DDX11: variants seen among roughly 807,000 people sequenced by gnomAD.
The protein encoded by DDX11 is ATP-dependent DNA helicase DDX11.
In DDX11, 72 loss-of-function variants were observed where a neutral mutation model predicts 125.2. The ratio of observed to expected loss-of-function variants is 0.58; its 90% CI spans 0.48 to 0.70. The LOEUF (loss-of-function observed/expected upper bound fraction) is 0.70, where lower values mean the gene tolerates loss of function less well. Among genes scored for constraint, DDX11 ranks in the 30% least tolerant of loss-of-function variants. DDX11 has a pLI of 0.00. For synonymous variants in DDX11, 347 were observed against 452.6 expected (o/e 0.77, Z 2.96); for missense variants, 883 against 1,165.0 (o/e 0.76, Z 3.52).
chr12:31,093,287 C>A lies in DDX11; in HGVS notation c.1332C>A (p.Ile444=), dbSNP rs762634580. 8 of 1,613,512 alleles carry A rather than the reference C, an allele frequency of 5.0e-6. No individual in the cohort carries two copies. The change falls in exon 12 of 27, where the codon ATC becomes ATA. Residue 444 remains isoleucine (I), a synonymous_variant. Coordinates refer to ENST00000542838, the MANE Select transcript of DDX11 (RefSeq NM_030653.4). ...AGAACCTGATGTACCTGAAGCAGAT[C>A]CTGTATTTGCTGGAGAAATTCGTGG... is the stretch of plus-strand genomic sequence containing the variant. ...KAKNLMYLKQ[I]LYLLEKFVAV...
At chr12:31,078,717 T>C (rs934908321) in intron 2 of DDX11, among the ~76,000 whole-genome samples, 180 bp downstream of exon 2, 13 of 150,558 alleles carry the variant, frequency 8.6e-5, no homozygotes, top group African/African-American at 2.7e-4. Flanking sequence ...AGACGGAGTC[T>C]CGCTGTGTCG....
intron 21 of DDX11, 96 bp downstream of exon 21, chr12:31,102,078 G>C (rs1483099899): frequency 1.3e-6 from 2 of 1,505,176 alleles, no homozygotes; most frequent in African/African-American, 2.8e-5. Context: ...CAGGCTTCTG[G>C]CTCCTCATCC....
intron 20 of DDX11, 176 bp from the exon 21 acceptor site, chr12:31,101,657 G>A: frequency 1.4e-6 from 1 of 722,256 alleles, no homozygotes; most frequent in Non-Finnish European, 2.4e-6. Context: ...GTGTTTGGTG[G>A]GAGGTGGCAC....
chr12:31,092,788 T>C (rs1944463048), intron 10 of DDX11, 58 bp from the exon 11 acceptor site: 12 of 1,540,162 alleles, frequency 7.8e-6, no homozygotes, highest in African/African-American at 2.7e-5. Context: ...GAATCTAAGA[T>C]GTCAGTACCT....
intron 2 of DDX11, among the ~76,000 whole-genome samples, chr12:31,082,420 G>C (rs4930951): frequency 0.52 from 77,522 of 148,386 alleles, 21,071 homozygotes; most frequent in East Asian, 0.8. Flanking sequence ...GCCAGCCTGA[G>C]CCACAGAGCT....
rs1393893337 is a variant in DDX11, at chr12:31,090,083, C to T, written c.1078C>T (p.Pro360Ser). 6.5e-7 allele frequency: 1 copy of T among 1,549,658 alleles called. No homozygotes were observed. The highest frequency in any genetic ancestry group is 8.7e-7 in the Non-Finnish European group (1 of 1,146,650). Residue 360 changes from proline (P) to serine (S), a missense_variant, in exon 9 of 27, where the codon CCT (proline) becomes TCT (serine). Pro to Ser is a moderately conservative substitution (Grantham distance 74). Transcript: ENST00000542838. ...CPYYGSRLAI[P>S]AAQLVVLPYQ... ...CTATTACGGGAGCCGCCTTGCCATC[C>T]CTGCAGCCCAGGTGAGGGCCCTGCA...
At chr12:31,101,225 A>G (rs1318224325) in intron 20 of DDX11, 95 bp downstream of exon 20, 11 of 1,091,084 alleles carry the variant, frequency 1.0e-5, no homozygotes, top group Middle Eastern at 2.0e-4. Context: ...GAGTGTTTTC[A>G]GTGTTGGGGA....
chr12:31,096,578 A>G, intron 15 of DDX11, 59 bp from the exon 16 acceptor site: 1 of 1,598,700 alleles, frequency 6.3e-7, no homozygotes, highest in Non-Finnish European at 8.5e-7. Context: ...CGATCCACCC[A>G]GCCTCTCTCT....
At chr12:31,101,328 C>A (rs1308835414) in intron 20 of DDX11, 198 bp downstream of exon 20, 12 of 615,916 alleles carry the variant, frequency 1.9e-5, no homozygotes, top group Non-Finnish European at 8.8e-6. Context: ...CCGCCCCTCA[C>A]GCCTTAGGCT....
At chr12:31,100,599 G>C in intron 18 of DDX11, 36 bp from the exon 19 acceptor site, 1 of 1,548,286 alleles carries the variant, frequency 6.5e-7, no homozygotes, top group Non-Finnish European at 8.7e-7. Flanking sequence ...CCTCTGAGGG[G>C]TCATGGGGCC....
chr12:31,088,560 G>A (rs1347149080), intron 6 of DDX11, among the ~76,000 whole-genome samples: 2 of 150,422 alleles, frequency 1.3e-5, no homozygotes, highest in Non-Finnish European at 2.9e-5. Flanking sequence ...CTTGTTTTCT[G>A]TCGGAAGTAG....
intron 5 of DDX11, 64 bp from the exon 6 acceptor site, chr12:31,087,874 G>A: frequency 8.3e-6 from 13 of 1,565,826 alleles, no homozygotes; most frequent in African/African-American, 1.4e-5. Context: ...CTCAGCAGAT[G>A]CTCAGTGCGT....
chr12:31,092,845 G>A lies in DDX11; in HGVS notation c.1243-1G>A. On this transcript the variant is annotated splice_acceptor_variant, in intron 10 of 26. Transcript: ENST00000542838. LOFTEE classifies it high-confidence loss of function. Reference sequence around the variant, plus strand: ...GAGCCTGGTTTGTGTTCTTTCCCCAGCTCTGCCAGGCCCATTCCCAGCTGC... The same window carrying A: ...GAGCCTGGTTTGTGTTCTTTCCCCAACTCTGCCAGGCCCATTCCCAGCTGC... The A allele has an allele frequency of 6.2e-7, 1 of 1,613,930 alleles. No homozygotes were observed. Among genetic ancestry groups the A allele is most frequent in the Non-Finnish European group, 8.5e-7 (1 of 1,179,858 alleles).
At chr12:31,087,756 G>C in intron 5 of DDX11, 182 bp from the exon 6 acceptor site, 4 of 1,024,492 alleles carry the variant, frequency 3.9e-6, no homozygotes, top group Admixed American at 2.0e-5. Context: ...GACCTGAGCG[G>C]CCATGGGAGG....
chr12:31,096,984 C>T lies in DDX11; in HGVS notation c.1756C>T (p.Arg586Cys), dbSNP rs147386779. The T allele has an allele frequency of 9.9e-6, 16 of 1,613,554 alleles. No individual in the cohort carries two copies. Among genetic ancestry groups the T allele is most frequent in the South Asian group, 8.8e-5 (8 of 90,874 alleles). The stretch of plus-strand genomic sequence containing the variant: ...CCAGGACGGCAGGGTCATCCTGAGC[C>T]GCCAAGGTAATCAGGTGGTTCTTGG... ...ANQDGRVILS[R>C]QGSLSQSTLK... Residue 586 changes from arginine to cysteine, a missense_variant, in exon 17 of 27, where the codon CGC (arginine) becomes TGC (cysteine). Physicochemically the swap from Arg to Cys is radical, Grantham distance 180 (BLOSUM62 -3). Around this residue, in one of 5 missense-constraint regions of DDX11, gnomAD observed 241 missense variants for 279.7 expected, o/e 0.86. Transcript: ENST00000542838.
chr12:31,104,041 G>A lies in DDX11; in HGVS notation c.*205G>A, dbSNP rs1300037949. 1 of 1,548,760 alleles carries A rather than the reference G, an allele frequency of 6.5e-7. No individual in the cohort carries two copies. Among genetic ancestry groups the A allele is most frequent in the African/African-American group, 1.4e-5 (1 of 72,964 alleles). ...TGGGGGAATCCTGAATGAACAGTGG[G>A]TCCTGGCTGTCCTTGGGGCGTTCCA... On this transcript the variant is annotated 3_prime_UTR_variant, in exon 27 of 27. Transcript: ENST00000542838.
At chr12:31,091,552 T>G (rs1441074101) in intron 9 of DDX11, 167 bp from the exon 10 acceptor site, 2 of 659,432 alleles carry the variant, frequency 3.0e-6, no homozygotes, top group African/African-American at 1.8e-5. Flanking sequence ...TGGCTTTTCA[T>G]GTGAAACTCG....
intron 5 of DDX11, among the ~76,000 whole-genome samples, chr12:31,085,867 T>C (rs926485269): frequency 1.3e-5 from 2 of 151,936 alleles, no homozygotes; most frequent in African/African-American, 4.8e-5. Context: ...GAAAACAAAA[T>C]GGTGATGTGG....
Position 31,100,693 on chromosome 12 carries a change from TG to T in DDX11, c.1936del (p.Glu646SerfsTer7), listed in dbSNP as rs1946213722. Reference protein sequence around the residue: ...ACAGVEAERVVEFSCGHVIPP... With the variant: ...ACAGVEAERVXEFSCGHVIPP... ...GCCGGGGTGGAAGCTGAGCGCGTGG[TG>T]GAGTTTTCCTGTGGTGAGAAGCTGT... On this transcript the variant is annotated frameshift_variant, in exon 19 of 27. Coordinates refer to ENST00000542838, the MANE Select transcript of DDX11 (RefSeq NM_030653.4). LOFTEE classifies it high-confidence loss of function. The T allele has an allele frequency of 6.4e-7, 1 of 1,552,090 alleles. No homozygotes were observed. The highest frequency in any genetic ancestry group is 1.2e-5 in the South Asian group (1 of 84,104).
Sources: gnomAD v4.1 joint callset for allele counts (sites outside exome capture counted in the v4.1 genomes callset) on GRCh38, gnomAD v4.1.1 for gene constraint, gnomAD v4.1.1 regional missense constraint, MANE v1.5 for transcripts, NCBI Gene and HGNC (gene_info 2026-07-23, HGNC 2026-07-21) for gene names.